BRD3: variants seen among roughly 807,000 people sequenced by gnomAD.
BRD3 encodes the protein bromodomain containing 3, also known as bromodomain-containing protein 3.
In BRD3, 17 loss-of-function variants were observed where a neutral mutation model predicts 66.8. The observed-to-expected ratio is 0.25, with a 90% CI of 0.17 to 0.38. BRD3 has a LOEUF of 0.38. BRD3 is among the 10% of genes least tolerant of loss of function. The pLI, the probability that BRD3 is intolerant of heterozygous loss-of-function variation, is 1.00. For synonymous variants in BRD3, 421 were observed against 393.2 expected, an observed-to-expected ratio of 1.07 and a Z score of -0.84; for missense variants, 713 against 956.1, an observed-to-expected ratio of 0.75 and a Z score of 3.35.
At position 134,032,287 on chromosome 9, in the gene BRD3, TTTATA is replaced by T. The variant is rs1397515317; in HGVS notation, c.*1298_*1302del. ...ACATTTTTTCTCTCAGATTACAAAG[TTTATA>T]TTATATAACTGGGGTTCCCTAAATT... On this transcript the variant is annotated 3_prime_UTR_variant, in exon 12 of 12. Coordinates refer to ENST00000303407, the MANE Select transcript of BRD3 (RefSeq NM_007371.4). 3 of 219,390 alleles carry T rather than the reference TTTATA, an allele frequency of 1.4e-5. No individual in the cohort carries two copies. The highest frequency in any genetic ancestry group is 1.3e-4 in the East Asian group (2 of 14,838). 13.6% of individuals were successfully genotyped at this position (219,390 alleles called of 1,614,324 possible).
intron 11 of BRD3, among the ~76,000 whole-genome samples, chr9:134,034,297 G>A (rs915734993): frequency 6.6e-6 from 1 of 152,244 alleles, no homozygotes; most frequent in Non-Finnish European, 1.5e-5. Flanking sequence ...AAAGCGCAGG[G>A]CATGGGGCTG....
chr9:134,062,334 T>C (rs1052256353), intron 1 of BRD3, among the ~76,000 whole-genome samples: 2 of 152,122 alleles, frequency 1.3e-5, no homozygotes, highest in Non-Finnish European at 2.9e-5. Context: ...GGTGGGGCTA[T>C]CCTGGGGCAT....
chr9:134,042,738 CAT>C (rs568205734), intron 7 of BRD3, among the ~76,000 whole-genome samples: 4 of 135,888 alleles, frequency 2.9e-5, no homozygotes, highest in African/African-American at 1.4e-4. Flanking sequence ...TATATACACA[CAT>C]ATATACACAT....
chr9:134,059,154 G>C (rs1331973808), intron 1 of BRD3, among the ~76,000 whole-genome samples: 1 of 152,242 alleles, frequency 6.6e-6, no homozygotes, highest in African/African-American at 2.4e-5. Context: ...ATGATAATGT[G>C]GGGGGTGAAA....
At chr9:134,053,220 C>G in intron 2 of BRD3, 45 bp downstream of exon 2, 1 of 1,598,786 alleles carries the variant, frequency 6.3e-7, no homozygotes, top group Non-Finnish European at 8.6e-7. Context: ...GGACAGAGGA[C>G]GGCAGCAGCA....
chr9:134,055,378 G>T (rs931467937), intron 1 of BRD3, among the ~76,000 whole-genome samples: 1 of 152,132 alleles, frequency 6.6e-6, no homozygotes, highest in Non-Finnish European at 1.5e-5. Context: ...CCTGTGTCCT[G>T]TCTCCTGTGA....
chr9:134,061,360 T>C (rs1414866662), intron 1 of BRD3, among the ~76,000 whole-genome samples: 1 of 152,184 alleles, frequency 6.6e-6, no homozygotes, highest in Non-Finnish European at 1.5e-5. Context: ...CAGGCAGGGT[T>C]GGGAGGACAG....
rs1830141706 is a variant in BRD3, at chr9:134,045,224, C to T, written c.1215+69G>A. On this transcript the variant is annotated intron_variant, in intron 7 of 11. Coordinates refer to ENST00000303407, the MANE Select transcript of BRD3 (RefSeq NM_007371.4). This position sits in a 1 kb window ranked among gnomAD's most constrained non-coding sequence, Gnocchi z 4.8. Reference sequence around the variant, plus strand: ...GCTGGACATTCACCTGGGCGCTTACCCCACACTGAGGCCAGGATGCCCACA... The same window carrying T: ...GCTGGACATTCACCTGGGCGCTTACTCCACACTGAGGCCAGGATGCCCACA... 4.4e-6 allele frequency: 7 copies of T among 1,590,306 alleles called. No individual in the cohort carries two copies. In the South Asian group the frequency reaches 6.7e-5, roughly 15 times the overall value.
rs907634948 is a variant in BRD3, at chr9:134,045,394, C to G, written c.1114G>C (p.Asp372His). ...KRKMDGREYP[D>H]AQGFAADVRL... ...ACATCAGCAGCAAAGCCCTGTGCGT[C>G]TGGGTACTCTCGGCCATCCATCTTC... Residue 372 changes from aspartate to histidine, a missense_variant, in exon 7 of 12, where the codon GAC becomes CAC. Physicochemically the swap from Asp to His is moderately conservative, Grantham distance 81 (BLOSUM62 -1). Coordinates refer to ENST00000303407, the MANE Select transcript of BRD3 (RefSeq NM_007371.4). The surrounding 1 kb of genome is among the most constrained non-coding windows in gnomAD (Gnocchi z 4.8). The G allele has an allele frequency of 3.1e-6, 5 of 1,613,648 alleles. No individual in the cohort carries two copies. The highest frequency in any genetic ancestry group is 1.7e-5 in the Admixed American group (1 of 60,020).
chr9:134,062,824 G>A (rs1158483676), intron 1 of BRD3, among the ~76,000 whole-genome samples: 4 of 152,200 alleles, frequency 2.6e-5, no homozygotes, highest in Admixed American at 1.3e-4. Context: ...GGAGAGCCAC[G>A]ACTCAGGCAG....
chr9:134,034,208 AAG>A (rs960005344), intron 11 of BRD3, among the ~76,000 whole-genome samples: 2 of 152,216 alleles, frequency 1.3e-5, no homozygotes, highest in Non-Finnish European at 2.9e-5. Flanking sequence ...AAGCCAGGAA[AAG>A]AGATGTGTGC....
intron 4 of BRD3, 70 bp downstream of exon 4, chr9:134,051,492 C>T (rs538002202): frequency 4.2e-6 from 6 of 1,412,814 alleles, no homozygotes; most frequent in African/African-American, 3.0e-5. Context: ...TAAAGGATCG[C>T]GTCCCAGCCC....
chr9:134,067,978 G>A lies in BRD3; in HGVS notation c.-147C>T, dbSNP rs1830708897. ...GCGGCTCCGGCGGCCGTCCCCTCCC[G>A]GCCCGCGCGGCCGGCTCCTCTTTGG... On this transcript the variant is annotated 5_prime_UTR_variant, in exon 1 of 12. Transcript: ENST00000303407. 6.9e-6 allele frequency: 1 copy of A among 144,996 alleles called. No homozygotes were observed. Among genetic ancestry groups the A allele is most frequent in the East Asian group, 2.0e-4 (1 of 4,894 alleles). The allele number at this position is 144,996 out of a possible 1,614,324, so 9.0% of individuals were successfully genotyped here. A position where few individuals can be genotyped will look rare whatever the true frequency, so the allele number is the denominator to read the frequency against.
At position 134,033,750 on chromosome 9, in the gene BRD3, T is replaced by G. The variant is rs1284721285; in HGVS notation, c.2066-45A>C. Reference sequence around the variant, plus strand: ...GAGATGCGCTCGCACACCCGCTTCTTGACCCGCTTGGCGGCATGTCGTCCA... The same window carrying G: ...GAGATGCGCTCGCACACCCGCTTCTGGACCCGCTTGGCGGCATGTCGTCCA... On this transcript the variant is annotated intron_variant, in intron 11 of 11. Coordinates refer to ENST00000303407, the MANE Select transcript of BRD3 (RefSeq NM_007371.4). This position sits in a 1 kb window ranked among gnomAD's most constrained non-coding sequence, Gnocchi z 5.1. The G allele has an allele frequency of 1.5e-6, 1 of 686,090 alleles. No homozygotes were observed. 42.5% of individuals were successfully genotyped at this position (686,090 alleles called of 1,614,324 possible). A position where few individuals can be genotyped will look rare whatever the true frequency, so the allele number is the denominator to read the frequency against.
chr9:134,051,880 GTTTT>G lies in BRD3; in HGVS notation c.352-175_352-172del, dbSNP rs777755860. Among the ~76,000 whole-genome samples, 7 of 113,660 alleles carry G rather than the reference GTTTT, an allele frequency of 6.2e-5. 1 individual carries two copies. The South Asian group carries it at 8.0e-4, about 13-fold the overall frequency. The allele number at this position is 113,660 out of a possible 152,430, so 74.6% of individuals were successfully genotyped here. ...GTGTGTGTGTGTGTGTGTGTGTGTT[GTTTT>G]TTTTGTTTTTTTTTTTTTTTTTTTG... On this transcript the variant is annotated intron_variant, in intron 3 of 11. Coordinates refer to ENST00000303407, the MANE Select transcript of BRD3 (RefSeq NM_007371.4).
At chr9:134,046,361 C>A (rs1335463384) in intron 6 of BRD3, among the ~76,000 whole-genome samples, 2 of 152,184 alleles carry the variant, frequency 1.3e-5, no homozygotes, top group African/African-American at 2.4e-5. Flanking sequence ...TTGTCGGGGA[C>A]CTCGAGGGAC....
chr9:134,040,315 C>T, intron 8 of BRD3, 46 bp from the exon 9 acceptor site: 3 of 1,560,200 alleles, frequency 1.9e-6, no homozygotes, highest in South Asian at 1.2e-5. Flanking sequence ...ACGGCCCACA[C>T]CACTGGGGCT....
At chr9:134,053,721 T>G in intron 1 of BRD3, 131 bp from the exon 2 acceptor site, 18 of 740,254 alleles carry the variant, frequency 2.4e-5, no homozygotes, top group Admixed American at 3.4e-5. Flanking sequence ...TCACCCCCAT[T>G]GCCCAGCCAC....
Position 134,045,871 on chromosome 9 carries a change from G to T in BRD3, c.1087-450C>A, listed in dbSNP as rs1830155555. The stretch of plus-strand genomic sequence containing the variant: ...GCCTGCTCAGTCTACACAAGGAAAT[G>T]TAATTTTTTCCCTCGAGGAAGCCAG... On this transcript the variant is annotated intron_variant, in intron 6 of 11. Transcript: ENST00000303407. This position sits in a 1 kb window ranked among gnomAD's most constrained non-coding sequence, Gnocchi z 4.8. Among the ~76,000 whole-genome samples, 1 of 152,178 alleles carries T rather than the reference G, an allele frequency of 6.6e-6. No homozygotes were observed.
Sources: allele counts gnomAD v4.1 joint callset (sites outside exome capture counted in the v4.1 genomes callset), GRCh38; gene constraint gnomAD v4.1.1; non-coding constraint Gnocchi (gnomAD v3.1); transcripts MANE v1.5; gene names NCBI Gene and HGNC (gene_info 2026-07-23, HGNC 2026-07-21).